The following IGF1R variants were observed in gnomAD, a reference collection of about 807,000 sequenced individuals.
The protein encoded by IGF1R is insulin-like growth factor 1 receptor.
A neutral mutation model predicts 144.6 loss-of-function variants in IGF1R; 44 were observed. That is an observed-to-expected ratio of 0.30 (90% CI 0.24 to 0.39). The LOEUF (loss-of-function observed/expected upper bound fraction) is 0.39, where lower values mean the gene tolerates loss of function less well. Ranked by LOEUF, IGF1R falls within the 10% of genes least tolerant of loss-of-function variation. The pLI, the probability that IGF1R is intolerant of heterozygous loss-of-function variation, is 1.00. For synonymous variants in IGF1R, 795 were observed against 722.8 expected, an observed-to-expected ratio of 1.10 and a Z score of -1.60; for missense variants, 1,355 against 1,833.7, an observed-to-expected ratio of 0.74 and a Z score of 4.77.
At chr15:98,883,469 T>G (rs988362184) in intron 2 of IGF1R, among the ~76,000 whole-genome samples, 1 of 152,356 alleles carries the variant, frequency 6.6e-6, no homozygotes, top group South Asian at 2.1e-4. Context: ...AGCAGACTTG[T>G]TTAAAGAACT....
intron 2 of IGF1R, among the ~76,000 whole-genome samples, chr15:98,826,045 CTG>C (rs1177995843): frequency 6.6e-6 from 1 of 152,152 alleles, no homozygotes; most frequent in Non-Finnish European, 1.5e-5. Flanking sequence ...ATGGTATAGT[CTG>C]TGTGTGTAGA....
chr15:98,873,211 C>T (rs557518455), intron 2 of IGF1R, among the ~76,000 whole-genome samples: 2 of 152,274 alleles, frequency 1.3e-5, no homozygotes, highest in East Asian at 1.9e-4. Context: ...GCATGTTATA[C>T]GTAATAACCT....
At chr15:98,693,267 G>A (rs1177397435) in intron 1 of IGF1R, among the ~76,000 whole-genome samples, 2 of 152,220 alleles carry the variant, frequency 1.3e-5, no homozygotes, top group Non-Finnish European at 2.9e-5. Context: ...CTACGGGCAG[G>A]GGAGCGTTTG....
intron 2 of IGF1R, among the ~76,000 whole-genome samples, chr15:98,798,543 C>T (rs1271851887): frequency 6.6e-6 from 1 of 152,102 alleles, no homozygotes; most frequent in Non-Finnish European, 1.5e-5. Context: ...TAGGCTGTTG[C>T]CCCAGTGTAG....
Position 98,665,043 on chromosome 15 carries a change from C to T in IGF1R, c.94+15368C>T, listed in dbSNP as rs796637665. Reference sequence around the variant, plus strand: ...CGCAATCTTGGCTCACTGCAAGCTCCACCTCCCGGGTTCACGCCATTCTCC... The same window carrying T: ...CGCAATCTTGGCTCACTGCAAGCTCTACCTCCCGGGTTCACGCCATTCTCC... On this transcript the variant is annotated intron_variant, in intron 1 of 20. Transcript: ENST00000650285. Among the ~76,000 whole-genome samples the T allele has an allele frequency of 2.0e-5, 3 of 151,220 alleles. No individual in the cohort carries two copies. The South Asian group carries it at 6.3e-4, about 32-fold the overall frequency.
chr15:98,774,525 G>T (rs531315154), intron 2 of IGF1R, among the ~76,000 whole-genome samples: 51 of 152,288 alleles, frequency 3.3e-4, no homozygotes, highest in African/African-American at 1.2e-3. Context: ...TAAAAAGGAA[G>T]GACATTCTGA....
intron 5 of IGF1R, among the ~76,000 whole-genome samples, chr15:98,903,948 G>A: frequency 6.6e-6 from 1 of 152,224 alleles, no homozygotes; most frequent in Non-Finnish European, 1.5e-5. Context: ...CCACCAATGG[G>A]AATGAGGGAA....
chr15:98,787,008 T>C (rs1277407748), intron 2 of IGF1R, among the ~76,000 whole-genome samples: 1 of 152,214 alleles, frequency 6.6e-6, no homozygotes, highest in Admixed American at 6.5e-5. Flanking sequence ...GACGACATTC[T>C]GTGAGCCAGC....
intron 13 of IGF1R, among the ~76,000 whole-genome samples, chr15:98,928,649 G>A (rs1256928923): frequency 3.3e-5 from 5 of 152,112 alleles, no homozygotes; most frequent in Non-Finnish European, 7.4e-5. Context: ...AGGTTCCCTC[G>A]ACTCCCTTCT....
At chr15:98,936,187 T>C (rs891233834) in intron 17 of IGF1R, among the ~76,000 whole-genome samples, 1 of 152,236 alleles carries the variant, frequency 6.6e-6, no homozygotes, top group African/African-American at 2.4e-5. Context: ...CCAGAGTCAG[T>C]GTCCTGCTTA....
At chr15:98,683,826 A>C (rs1337869785) in intron 1 of IGF1R, among the ~76,000 whole-genome samples, 1 of 152,202 alleles carries the variant, frequency 6.6e-6, no homozygotes, top group Non-Finnish European at 1.5e-5. Context: ...ATCGGGACAT[A>C]ATTCACCATT....
chr15:98,929,681 T>C (rs372969274), intron 14 of IGF1R, 21 bp downstream of exon 14: 101 of 1,484,378 alleles, frequency 6.8e-5, no homozygotes, highest in Non-Finnish European at 9.1e-5. Flanking sequence ...TGCAAAGTTA[T>C]GACACTTTCT....
chr15:98,958,793 C>T lies in IGF1R; in HGVS notation c.*1351C>T, dbSNP rs535387838. On this transcript the variant is annotated 3_prime_UTR_variant, in exon 21 of 21. Transcript: ENST00000650285. The stretch of plus-strand genomic sequence containing the variant: ...CCACCCTCTCCCCTTTCTGCTCACT[C>T]CAAGAAACTTCTTATGCTTTGTACT... 4.3e-6 allele frequency: 1 copy of T among 233,288 alleles called. No individual in the cohort carries two copies. Among genetic ancestry groups the T allele is most frequent in the African/African-American group, 2.2e-5 (1 of 45,436 alleles). 14.5% of individuals were successfully genotyped at this position (233,288 alleles called of 1,614,324 possible).
At chr15:98,831,059 G>A (rs1368094165) in intron 2 of IGF1R, among the ~76,000 whole-genome samples, 1 of 152,006 alleles carries the variant, frequency 6.6e-6, no homozygotes, top group Non-Finnish European at 1.5e-5. Flanking sequence ...CTGTGGGGAG[G>A]GCACCAAGCC....
At chr15:98,719,158 G>GT (rs1366538986) in intron 2 of IGF1R, among the ~76,000 whole-genome samples, 1 of 152,184 alleles carries the variant, frequency 6.6e-6, no homozygotes, top group Non-Finnish European at 1.5e-5. Context: ...GAATAACTGT[G>GT]TCAAAGAAGC....
At chr15:98,852,572 G>A (rs1387454832) in intron 2 of IGF1R, among the ~76,000 whole-genome samples, 2 of 152,152 alleles carry the variant, frequency 1.3e-5, no homozygotes, top group African/African-American at 4.8e-5. Flanking sequence ...CAGAGGAGGA[G>A]TAACCTTCCC....
intron 17 of IGF1R, among the ~76,000 whole-genome samples, chr15:98,936,391 C>T (rs550431684): frequency 6.6e-6 from 1 of 152,266 alleles, no homozygotes; most frequent in Non-Finnish European, 1.5e-5. Flanking sequence ...GCGGGCATGA[C>T]TTTTGAGTAA....
At chr15:98,819,159 T>TAGG (rs201157631) in intron 2 of IGF1R, among the ~76,000 whole-genome samples, 3,150 of 152,148 alleles carry the variant, frequency 0.021, 92 homozygotes, top group Admixed American at 0.059. Flanking sequence ...CACAGCAGTG[T>TAGG]AGGGCTCAGG....
chr15:98,861,650 C>A (rs2012165588), intron 2 of IGF1R, among the ~76,000 whole-genome samples: 1 of 152,216 alleles, frequency 6.6e-6, no homozygotes, highest in African/African-American at 2.4e-5. Flanking sequence ...TCTTTACCAC[C>A]TCTGAGCCTC....
Sources: allele counts gnomAD v4.1 joint callset (sites outside exome capture counted in the v4.1 genomes callset), GRCh38; gene constraint gnomAD v4.1.1; transcripts MANE v1.5; gene names NCBI Gene and HGNC (gene_info 2026-07-23, HGNC 2026-07-21).